SRSF4: variants seen among roughly 807,000 people sequenced by gnomAD.
SRSF4 encodes the protein serine/arginine-rich splicing factor 4.
A neutral mutation model predicts 48.8 loss-of-function variants in SRSF4; 12 were observed. That is an observed-to-expected ratio of 0.25 (90% CI 0.16 to 0.40). The LOEUF is 0.40. SRSF4 is among the 10% of genes least tolerant of loss of function. The pLI, the probability that SRSF4 is intolerant of heterozygous loss-of-function variation, is 1.00. For missense variants in SRSF4, 466 were observed against 667.1 expected, an observed-to-expected ratio of 0.70 and a Z score of 3.32; for synonymous variants, 248 against 232.5, an observed-to-expected ratio of 1.07 and a Z score of -0.61.
Position 29,155,663 on chromosome 1 carries a change from TTG to T in SRSF4, c.364-755_364-754del, listed in dbSNP as rs559646205. 8.4e-4 allele frequency among the ~76,000 whole-genome samples: 128 copies of T among 152,208 alleles called. 1 individual carries two copies. Among genetic ancestry groups the T allele is most frequent in the Non-Finnish European group, 1.5e-3 (103 of 68,018 alleles). ...CGCGCCACCATACCCAGCTGATTTT[TTG>T]TGTTTTCATTAGAGATGGGGTTTTG... On this transcript the variant is annotated intron_variant, in intron 3 of 5. Transcript: ENST00000373795.
chr1:29,168,607 C>T (rs1672701219), intron 1 of SRSF4: 1 of 152,062 alleles, frequency 6.6e-6, no homozygotes. Flanking sequence ...CTGGTCCTTC[C>T]GAAAACATGT....
chr1:29,178,667 A>G (rs1672908464), intron 1 of SRSF4, among the ~76,000 whole-genome samples: 1 of 152,118 alleles, frequency 6.6e-6, no homozygotes, highest in Admixed American at 6.6e-5. Flanking sequence ...TTCAATTACT[A>G]ATCACAATCT....
Position 29,174,675 on chromosome 1 carries a change from G to GTT in SRSF4, c.107+6969_107+6970dup, listed in dbSNP as rs35283951. Among the ~76,000 whole-genome samples, 198 of 130,680 alleles carry GTT rather than the reference G, an allele frequency of 1.5e-3. 2 individuals are homozygous for GTT. Among genetic ancestry groups the GTT allele is most frequent in the Middle Eastern group, 4.1e-3 (1 of 246 alleles). The allele number at this position is 130,680 out of a possible 152,430, so 85.7% of individuals were successfully genotyped here. A position where few individuals can be genotyped will look rare whatever the true frequency, so the allele number is the denominator to read the frequency against. ...AAGGGAGAGACTGTGCAGGAGATAG[G>GTT]TTTTTTTTTTTTTTTTTTTGATGGA... On this transcript the variant is annotated intron_variant, in intron 1 of 5. Coordinates refer to ENST00000373795, the MANE Select transcript of SRSF4 (RefSeq NM_005626.5).
At chr1:29,153,124 G>A (rs566796735) in intron 4 of SRSF4, among the ~76,000 whole-genome samples, 1 of 152,030 alleles carries the variant, frequency 6.6e-6, no homozygotes, top group East Asian at 1.9e-4. Context: ...TTTCAGGGGG[G>A]CAAGGACCAT....
chr1:29,174,997 A>G (rs547251055), intron 1 of SRSF4, among the ~76,000 whole-genome samples: 258 of 151,138 alleles, frequency 1.7e-3, no homozygotes, highest in African/African-American at 5.7e-3. Context: ...TAAAAAAAAA[A>G]AAAAGAAAAG....
chr1:29,152,550 T>C (rs1672426904), intron 4 of SRSF4, among the ~76,000 whole-genome samples: 1 of 152,272 alleles, frequency 6.6e-6, no homozygotes, highest in Admixed American at 6.5e-5. Flanking sequence ...GTTACCTCTC[T>C]ATATTAGCTT....
At chr1:29,161,919 T>C (rs1166938605) in intron 1 of SRSF4, among the ~76,000 whole-genome samples, 1 of 152,250 alleles carries the variant, frequency 6.6e-6, no homozygotes, top group East Asian at 1.9e-4. Context: ...TGTGATGCTA[T>C]ACTCAGTAAC....
chr1:29,149,305 T>G, intron 5 of SRSF4, 79 bp from the exon 6 acceptor site: 1 of 1,497,332 alleles, frequency 6.7e-7, no homozygotes, highest in Non-Finnish European at 8.9e-7. Flanking sequence ...AGGGCATACA[T>G]GTGGAGTTAC....
chr1:29,167,091 G>C (rs569101350), intron 1 of SRSF4, among the ~76,000 whole-genome samples: 1 of 152,290 alleles, frequency 6.6e-6, no homozygotes, highest in Non-Finnish European at 1.5e-5. Context: ...CTACCATTTG[G>C]ATTAATTTAT....
intron 3 of SRSF4, among the ~76,000 whole-genome samples, chr1:29,155,991 G>A (rs1256315403): frequency 6.6e-6 from 1 of 152,106 alleles, no homozygotes; most frequent in African/African-American, 2.4e-5. Flanking sequence ...CCGAGATAGT[G>A]TCACTGCACT....
chr1:29,149,245 CTGTT>C lies in SRSF4; in HGVS notation c.669-23_669-20del. 6.2e-7 allele frequency: 1 copy of C among 1,600,620 alleles called. No homozygotes were observed. Among genetic ancestry groups the C allele is most frequent in the Middle Eastern group, 2.1e-4 (1 of 4,742 alleles). The stretch of plus-strand genomic sequence containing the variant: ...GCCCGACCTGAGGAGACATGGGATA[CTGTT>C]TGTGTCACATGTGACTTCATGCTAA... On this transcript the variant is annotated intron_variant, in intron 5 of 5. Coordinates refer to ENST00000373795, the MANE Select transcript of SRSF4 (RefSeq NM_005626.5).
At chr1:29,178,322 G>A (rs1281847918) in intron 1 of SRSF4, among the ~76,000 whole-genome samples, 1 of 149,226 alleles carries the variant, frequency 6.7e-6, no homozygotes, top group Non-Finnish European at 1.5e-5. Flanking sequence ...CCTATCTAAA[G>A]CATCCAAAAT....
rs764228023 is a variant in SRSF4 at position 29,148,614 on chromosome 1, A to C, written c.1281T>G (p.Gly427=). 2.1e-5 allele frequency: 34 copies of C among 1,613,912 alleles called. No homozygotes were observed. The South Asian group carries it at 3.6e-4, about 17-fold the overall frequency. ...TGCCAGCATTCTCACTCTCTCCTCG[A>C]CCTTCCCTCTGGCTGGATTCAGACT... The part of the protein sequence containing the change: ...HAKSESSQRE[G]RGESENAGTN... The change falls in exon 6 of 6, where the codon GGT becomes GGG. Residue 427 remains glycine, a synonymous_variant. Transcript: ENST00000373795.
intron 1 of SRSF4, among the ~76,000 whole-genome samples, chr1:29,179,842 C>G: frequency 6.6e-6 from 1 of 152,176 alleles, no homozygotes; most frequent in East Asian, 1.9e-4. Flanking sequence ...TTTCTGCCTC[C>G]TCCCCCAATT....
intron 1 of SRSF4, among the ~76,000 whole-genome samples, chr1:29,160,724 T>G (rs1429601097): frequency 6.6e-6 from 1 of 152,236 alleles, no homozygotes; most frequent in African/African-American, 2.4e-5. Flanking sequence ...CAAAGTAGAC[T>G]CCTATCTTTC....
chr1:29,163,241 C>T (rs528905763), intron 1 of SRSF4, among the ~76,000 whole-genome samples: 3 of 152,250 alleles, frequency 2.0e-5, no homozygotes, highest in African/African-American at 7.2e-5. Context: ...CTTGGTAAGC[C>T]TGTTTTGGGG....
intron 4 of SRSF4, 106 bp downstream of exon 4, chr1:29,154,590 T>C: frequency 2.8e-6 from 3 of 1,077,940 alleles, no homozygotes; most frequent in East Asian, 2.5e-5. Context: ...TTGAACCAGA[T>C]GGAATCATGT....
rs192573486 is a variant in SRSF4 at position 29,158,309 on chromosome 1, C to A, written c.363+1065G>T. On this transcript the variant is annotated intron_variant, in intron 3 of 5. Coordinates refer to ENST00000373795, the MANE Select transcript of SRSF4 (RefSeq NM_005626.5). ...AACATGGGTCAGATTGTCAATTTCA[C>A]CAGTAAGGATACACACTGAAGCTGA... is the stretch of plus-strand genomic sequence containing the variant. 8.5e-5 allele frequency among the ~76,000 whole-genome samples: 13 copies of A among 152,268 alleles called. No homozygotes were observed. In the East Asian group the frequency reaches 2.5e-3, roughly 29 times the overall value.
At chr1:29,177,409 G>A (rs1672886126) in intron 1 of SRSF4, among the ~76,000 whole-genome samples, 1 of 151,850 alleles carries the variant, frequency 6.6e-6, no homozygotes, top group Non-Finnish European at 1.5e-5. Context: ...AGCCTCCCGA[G>A]TAGCCAGGAT....
Sources: allele counts gnomAD v4.1 joint callset (sites outside exome capture counted in the v4.1 genomes callset), GRCh38; gene constraint gnomAD v4.1.1; transcripts MANE v1.5; gene names NCBI Gene and HGNC (gene_info 2026-07-23, HGNC 2026-07-21).